CEP112: variants seen among roughly 807,000 people sequenced by gnomAD.
The protein encoded by CEP112 is centrosomal protein 112.
Under a neutral mutation model 153.0 loss-of-function variants are expected in CEP112, and 127 were observed. That is an observed-to-expected ratio of 0.83 (90% CI 0.72 to 0.96). The LOEUF is 0.96. Ranked by LOEUF, CEP112 falls within the 40% of genes least tolerant of loss-of-function variation. The pLI, the probability that CEP112 is intolerant of heterozygous loss-of-function variation, is 0.00. For missense variants in CEP112, 1,089 were observed against 1,101.2 expected, an observed-to-expected ratio of 0.99 and a Z score of 0.16; for synonymous variants, 358 against 374.4, an observed-to-expected ratio of 0.96 and a Z score of 0.51.
At chr17:66,036,208 A>G (rs373666461) in intron 12 of CEP112, among the ~76,000 whole-genome samples, 5 of 152,212 alleles carry the variant, frequency 3.3e-5, no homozygotes, top group African/African-American at 1.2e-4. Context: ...CAGGGGCTAG[A>G]CAGAATGGAA....
chr17:66,090,730 C>A (rs2068100614), intron 8 of CEP112, among the ~76,000 whole-genome samples: 2 of 152,140 alleles, frequency 1.3e-5, no homozygotes, highest in East Asian at 1.9e-4. Context: ...GGATTAAATT[C>A]TCTAATCAAA....
At chr17:66,114,319 C>T (rs1171953691) in intron 6 of CEP112, among the ~76,000 whole-genome samples, 1 of 151,952 alleles carries the variant, frequency 6.6e-6, no homozygotes, top group Non-Finnish European at 1.5e-5. Context: ...TCAGGGTTTT[C>T]TGTCCACTTG....
chr17:66,073,607 T>A (rs906411635), intron 8 of CEP112, among the ~76,000 whole-genome samples: 2 of 152,158 alleles, frequency 1.3e-5, no homozygotes, highest in African/African-American at 4.8e-5. Context: ...TGCAAATACC[T>A]GGGAATTCAG....
chr17:65,707,428 C>T (rs757842609), intron 23 of CEP112, among the ~76,000 whole-genome samples: 2 of 152,176 alleles, frequency 1.3e-5, no homozygotes, highest in African/African-American at 2.4e-5. Flanking sequence ...ACATTCTACA[C>T]GTCAGGTCTG....
intron 6 of CEP112, among the ~76,000 whole-genome samples, chr17:66,099,668 G>C (rs759327940): frequency 3.9e-5 from 6 of 151,988 alleles, no homozygotes; most frequent in Non-Finnish European, 5.9e-5. Flanking sequence ...ACAATCACTG[G>C]CTATTACTTG....
At chr17:66,130,544 G>A (rs893066074) in intron 5 of CEP112, among the ~76,000 whole-genome samples, 1 of 152,016 alleles carries the variant, frequency 6.6e-6, no homozygotes. Context: ...GGGAGGCCGA[G>A]GCGGGCAGAT....
At chr17:66,051,367 TTAATA>T (rs2066433784) in intron 12 of CEP112, among the ~76,000 whole-genome samples, 1 of 149,002 alleles carries the variant, frequency 6.7e-6, no homozygotes. Flanking sequence ...ATTGTGTATA[TTAATA>T]TAATATTTTA....
At chr17:66,037,662 A>C (rs1186600293) in intron 12 of CEP112, among the ~76,000 whole-genome samples, 1 of 152,280 alleles carries the variant, frequency 6.6e-6, no homozygotes, top group Middle Eastern at 3.4e-3. Flanking sequence ...CTCTAGTACC[A>C]TAAAAGTATG....
intron 23 of CEP112, among the ~76,000 whole-genome samples, chr17:65,692,388 C>T (rs779168406): frequency 6.6e-5 from 10 of 151,888 alleles, no homozygotes; most frequent in East Asian, 3.9e-4. Flanking sequence ...CCACCACACC[C>T]GGCTAATTTT....
intron 19 of CEP112, among the ~76,000 whole-genome samples, chr17:65,903,792 T>C (rs1156412286): frequency 6.6e-6 from 1 of 152,198 alleles, no homozygotes; most frequent in Non-Finnish European, 1.5e-5. Context: ...ATCCCTGGGA[T>C]GCAAGGCTGG....
intron 18 of CEP112, among the ~76,000 whole-genome samples, chr17:65,956,401 T>TACGTACACAC (rs1555729858): frequency 3.9e-5 from 3 of 76,658 alleles, no homozygotes; most frequent in Non-Finnish European, 8.4e-5. Flanking sequence ...TATATATACA[T>TACGTACACAC]ACATACATAC....
At chr17:65,667,529 G>T (rs1294139734) in intron 24 of CEP112, among the ~76,000 whole-genome samples, 1 of 150,536 alleles carries the variant, frequency 6.6e-6, no homozygotes, top group African/African-American at 2.5e-5. Flanking sequence ...ATTTAAGAAG[G>T]ATATGAGTTT....
At chr17:65,666,302 T>C (rs2046688847) in intron 24 of CEP112, among the ~76,000 whole-genome samples, 1 of 152,230 alleles carries the variant, frequency 6.6e-6, no homozygotes, top group Non-Finnish European at 1.5e-5. Flanking sequence ...ACCTTCTCCA[T>C]TGCTGGTCAA....
intron 18 of CEP112, among the ~76,000 whole-genome samples, chr17:65,950,996 A>G (rs2061809439): frequency 6.6e-6 from 1 of 152,088 alleles, no homozygotes; most frequent in South Asian, 2.1e-4. Flanking sequence ...CAAGACAATC[A>G]CGTGATTTTT....
chr17:66,126,637 T>C (rs2069864827), intron 6 of CEP112, among the ~76,000 whole-genome samples: 1 of 152,170 alleles, frequency 6.6e-6, no homozygotes, highest in Admixed American at 6.5e-5. Context: ...TTGCTAGTTT[T>C]TAATAAATAA....
intron 1 of CEP112, among the ~76,000 whole-genome samples, chr17:66,187,005 T>A (rs964703093): frequency 6.5e-4 from 99 of 152,332 alleles, no homozygotes; most frequent in African/African-American, 2.3e-3. Flanking sequence ...CTACCTGTCC[T>A]CTATCAATTG....
At chr17:65,750,832 T>C in intron 21 of CEP112, 108 bp from the exon 22 acceptor site, 1 of 937,552 alleles carries the variant, frequency 1.1e-6, no homozygotes. Context: ...GCACCGCCCT[T>C]CTGGGGCAGC....
At chr17:65,722,842 A>G (rs553035740) in intron 23 of CEP112, among the ~76,000 whole-genome samples, 8 of 152,376 alleles carry the variant, frequency 5.3e-5, no homozygotes, top group African/African-American at 1.9e-4. Flanking sequence ...CTGAAAGACA[A>G]GTCTGATATT....
chr17:66,005,640 C>G, intron 17 of CEP112, 50 bp downstream of exon 17: 3 of 1,572,264 alleles, frequency 1.9e-6, no homozygotes, highest in Non-Finnish European at 2.6e-6. Context: ...ATTTGGCTCA[C>G]AGTTTAATAA....
Sources: allele counts gnomAD v4.1 joint callset (sites outside exome capture counted in the v4.1 genomes callset), GRCh38; gene constraint gnomAD v4.1.1; transcripts MANE v1.5; gene names NCBI Gene and HGNC (gene_info 2026-07-23, HGNC 2026-07-21).